COL23A1: variants seen among roughly 807,000 people sequenced by gnomAD.
The protein encoded by COL23A1 is collagen alpha-1(XXIII) chain.
In COL23A1, 97 loss-of-function variants were observed where a neutral mutation model predicts 99.3. That is an observed-to-expected ratio of 0.98 (90% CI 0.83 to 1.16). The LOEUF is 1.16. Ranked by LOEUF, COL23A1 falls within the 50% of genes most tolerant of loss-of-function variation. The pLI is 0.00. For synonymous variants in COL23A1, 320 were observed against 308.2 expected (o/e 1.04, Z -0.40); for missense variants, 762 against 757.4 (o/e 1.01, Z -0.07).
chr5:178,329,042 C>T (rs1422197443), intron 2 of COL23A1, among the ~76,000 whole-genome samples: 6 of 152,170 alleles, frequency 3.9e-5, no homozygotes, highest in Non-Finnish European at 5.9e-5. Flanking sequence ...CCAACGAGCA[C>T]TGTCAGCTCT....
intron 12 of COL23A1, 114 bp from the exon 13 acceptor site, chr5:178,257,681 TG>T: frequency 9.3e-7 from 1 of 1,077,104 alleles, no homozygotes; most frequent in Non-Finnish European, 1.4e-6. Context: ...CACTGGCACA[TG>T]GTACCAGGCA....
intron 2 of COL23A1, among the ~76,000 whole-genome samples, chr5:178,390,129 A>C (rs1763889064): frequency 6.6e-6 from 1 of 152,174 alleles, no homozygotes; most frequent in Non-Finnish European, 1.5e-5. Flanking sequence ...CTGGCCTTGG[A>C]TTCAGGGTAC....
chr5:178,437,642 A>G (rs1317368413), intron 2 of COL23A1, among the ~76,000 whole-genome samples: 5 of 152,176 alleles, frequency 3.3e-5, no homozygotes, highest in Non-Finnish European at 5.9e-5. Flanking sequence ...CTCAGGGCCC[A>G]GGCCCTGAGG....
intron 1 of COL23A1, among the ~76,000 whole-genome samples, chr5:178,580,081 A>T (rs1418061608): frequency 6.6e-6 from 1 of 152,154 alleles, no homozygotes; most frequent in African/African-American, 2.4e-5. Flanking sequence ...TAATCCCAGC[A>T]CTTTGGGAGG....
At chr5:178,374,669 T>TA (rs1437472993) in intron 2 of COL23A1, among the ~76,000 whole-genome samples, 7 of 152,194 alleles carry the variant, frequency 4.6e-5, no homozygotes, top group Non-Finnish European at 7.3e-5. Context: ...ACCTGTTAGT[T>TA]AAAACCACTT....
At chr5:178,445,057 A>T (rs1767083919) in intron 2 of COL23A1, among the ~76,000 whole-genome samples, 1 of 152,214 alleles carries the variant, frequency 6.6e-6, no homozygotes, top group South Asian at 2.1e-4. Context: ...AATATCCTAA[A>T]CAAAACATTA....
chr5:178,585,756 T>TGAC (rs1763963528), intron 1 of COL23A1, among the ~76,000 whole-genome samples: 2 of 8,540 alleles, frequency 2.3e-4, no homozygotes, highest in Non-Finnish European at 6.2e-4. Flanking sequence ...CCCTGTTGGT[T>TGAC]GCTCCCCAGT....
rs749829465 is a variant in COL23A1 at position 178,256,335 on chromosome 5, T to G, written c.882+18A>C. On this transcript the variant is annotated intron_variant, in intron 15 of 28. Coordinates refer to ENST00000390654, the MANE Select transcript of COL23A1 (RefSeq NM_173465.4). ...TAGATCTCATCCCTGAGGCCTCGCC[T>G]GAGGGGCGGCAGCTTACCCGGGGCC... 3 of 1,590,958 alleles carry G rather than the reference T, an allele frequency of 1.9e-6. 1 individual carries two copies. Among genetic ancestry groups the G allele is most frequent in the African/African-American group, 2.7e-5 (2 of 74,410 alleles).
intron 2 of COL23A1, among the ~76,000 whole-genome samples, chr5:178,494,713 A>G (rs1408385347): frequency 1.3e-5 from 2 of 152,162 alleles, no homozygotes; most frequent in African/African-American, 4.8e-5. Flanking sequence ...TGGTTCCCCA[A>G]ACAAGAAGGC....
intron 2 of COL23A1, among the ~76,000 whole-genome samples, chr5:178,320,839 C>T (rs1336759581): frequency 1.3e-5 from 2 of 152,232 alleles, no homozygotes; most frequent in Non-Finnish European, 2.9e-5. Context: ...TCTAAAGCCA[C>T]AGCTCTCCGC....
At position 178,250,322 on chromosome 5, in the gene COL23A1, C is replaced by T. The variant is rs147109502; in HGVS notation, c.1015-217G>A. 5.8e-3 allele frequency among the ~76,000 whole-genome samples: 882 copies of T among 152,314 alleles called. 12 individuals carry two copies. Among genetic ancestry groups the T allele is most frequent in the African/African-American group, 0.02 (841 of 41,572 alleles). On this transcript the variant is annotated intron_variant, in intron 17 of 28. Coordinates refer to ENST00000390654, the MANE Select transcript of COL23A1 (RefSeq NM_173465.4). ...CCTGTAAGTTGTTATGTCACAGATT[C>T]GGGCGCTGAGGCTTGGAGGGTTAAG...
intron 28 of COL23A1, 136 bp downstream of exon 28, chr5:178,239,005 G>T: frequency 2.0e-6 from 2 of 1,009,536 alleles, no homozygotes; most frequent in East Asian, 2.4e-5. Context: ...TGGGAAACCT[G>T]GCTATTCAGT....
rs138646054 is a variant in COL23A1 at position 178,404,989 on chromosome 5, G to A, written c.362-98070C>T. ...AAACCCTGGTGTTTTTGCTATTGTG[G>A]ATAACACATAACCAATGACATCCCC... is the stretch of plus-strand genomic sequence containing the variant. On this transcript the variant is annotated intron_variant, in intron 2 of 28. Coordinates refer to ENST00000390654, the MANE Select transcript of COL23A1 (RefSeq NM_173465.4). Among the ~76,000 whole-genome samples the A allele has an allele frequency of 1.6e-3, 245 of 152,314 alleles. 1 individual carries two copies. The highest frequency in any genetic ancestry group is 5.7e-3 in the African/African-American group (237 of 41,562).
chr5:178,295,912 T>C (rs1757716704), intron 3 of COL23A1, among the ~76,000 whole-genome samples: 1 of 152,202 alleles, frequency 6.6e-6, no homozygotes, highest in South Asian at 2.1e-4. Context: ...AAACAGGACA[T>C]CTCTAGGTGT....
chr5:178,260,831 A>G (rs1177092394), intron 11 of COL23A1, among the ~76,000 whole-genome samples: 2 of 152,196 alleles, frequency 1.3e-5, no homozygotes, highest in African/African-American at 4.8e-5. Flanking sequence ...GTCAGGGGCT[A>G]GGGAGAACGA....
Position 178,579,476 on chromosome 5 carries a change from C to T in COL23A1, c.294+10428G>A, listed in dbSNP as rs537570830. Reference sequence around the variant, plus strand: ...AAGTCTTTGTTTGTTTGTTTTGAGACGGAGTCTTGCTCTGTCGCCCAGGAT... The same window carrying T: ...AAGTCTTTGTTTGTTTGTTTTGAGATGGAGTCTTGCTCTGTCGCCCAGGAT... On this transcript the variant is annotated intron_variant, in intron 1 of 28. Coordinates refer to ENST00000390654, the MANE Select transcript of COL23A1 (RefSeq NM_173465.4). 6.6e-5 allele frequency among the ~76,000 whole-genome samples: 10 copies of T among 152,218 alleles called. No individual in the cohort carries two copies. The East Asian group carries it at 9.7e-4, about 15-fold the overall frequency.
intron 2 of COL23A1, among the ~76,000 whole-genome samples, chr5:178,539,503 G>A (rs1476098321): frequency 3.1e-5 from 4 of 130,550 alleles, no homozygotes; most frequent in East Asian, 4.4e-4. Flanking sequence ...CTGAGATTGC[G>A]CCATTGCACT....
At position 178,327,685 on chromosome 5, in the gene COL23A1, G is replaced by T. The variant is rs570435898; in HGVS notation, c.362-20766C>A. 1.8e-4 allele frequency among the ~76,000 whole-genome samples: 27 copies of T among 152,250 alleles called. No homozygotes were observed. In the East Asian group the frequency reaches 4.8e-3, roughly 27 times the overall value. The stretch of plus-strand genomic sequence containing the variant: ...TGGAGTCTGAACACTGGCAGACAGT[G>T]CACGTGGCCCTCTGCACCCTCTGTC... On this transcript the variant is annotated intron_variant, in intron 2 of 28. Transcript: ENST00000390654.
intron 3 of COL23A1, among the ~76,000 whole-genome samples, chr5:178,296,589 G>C (rs542602833): frequency 6.6e-6 from 1 of 152,042 alleles, no homozygotes; most frequent in Admixed American, 6.6e-5. Flanking sequence ...CAGAAAGAGC[G>C]GTAATGTGTA....
Sources: allele counts gnomAD v4.1 joint callset (sites outside exome capture counted in the v4.1 genomes callset), GRCh38; gene constraint gnomAD v4.1.1; transcripts MANE v1.5; gene names NCBI Gene and HGNC (gene_info 2026-07-23, HGNC 2026-07-21).